Variants in UBA2 observed in about 807,000 individuals in gnomAD.
UBA2 encodes the protein ubiquitin like modifier activating enzyme 2.
In UBA2, 11 loss-of-function variants were observed where a neutral mutation model predicts 77.2. That is an observed-to-expected ratio of 0.14 (90% CI 0.09 to 0.24). The LOEUF is 0.24. Among genes scored for constraint, UBA2 ranks in the 10% least tolerant of loss-of-function variants. The pLI, the probability that UBA2 is intolerant of heterozygous loss-of-function variation, is 1.00. For synonymous variants in UBA2, 278 were observed against 276.7 expected (o/e 1.00, Z -0.05); for missense variants, 487 against 781.7 (o/e 0.62, Z 4.50).
At chr19:34,429,222 C>G (rs1238799990) in intron 1 of UBA2, 1 of 985,264 alleles carries the variant, frequency 1.0e-6, no homozygotes, top group Admixed American at 6.2e-5. Context: ...TCACAGTAGA[C>G]GGTACACTCG....
chr19:34,433,237 A>C, intron 3 of UBA2, 111 bp from the exon 4 acceptor site: 1 of 728,362 alleles, frequency 1.4e-6, no homozygotes, highest in South Asian at 1.6e-5. Context: ...TATAATCCTG[A>C]TATCAGTTTT....
At position 34,428,432 on chromosome 19, in the gene UBA2, C is replaced by T. The variant is rs748840513; in HGVS notation, c.-1C>T. 110 of 1,266,170 alleles carry T rather than the reference C, an allele frequency of 8.7e-5. No individual in the cohort carries two copies. The highest frequency in any genetic ancestry group is 1.2e-4 in the African/African-American group (8 of 65,716). The allele number at this position is 1,266,170 out of a possible 1,614,324, so 78.4% of individuals were successfully genotyped here. On this transcript the variant is annotated 5_prime_UTR_variant, in exon 1 of 17. Transcript: ENST00000246548. Reference sequence around the variant, plus strand: ...CCGCCGCGGCTCGTGGTTGTCCCGCCATGGCACTGTCGCGGGGGCTGCCCC... The same window carrying T: ...CCGCCGCGGCTCGTGGTTGTCCCGCTATGGCACTGTCGCGGGGGCTGCCCC...
At position 34,433,426 on chromosome 19, in the gene UBA2, A is replaced by C; in HGVS notation, c.358+14A>C. ...TAGATAACAGAGGTGAGGTTATTTT[A>C]ATACTTTTAATTTCTCAGTATTTCC... On this transcript the variant is annotated intron_variant, in intron 4 of 16. Transcript: ENST00000246548. 6.6e-7 allele frequency: 1 copy of C among 1,523,074 alleles called. No individual in the cohort carries two copies. The highest frequency in any genetic ancestry group is 9.1e-7 in the Non-Finnish European group (1 of 1,102,750). The allele number at this position is 1,523,074 out of a possible 1,614,324, so 94.3% of individuals were successfully genotyped here. A position where few individuals can be genotyped will look rare whatever the true frequency, so the allele number is the denominator to read the frequency against.
intron 12 of UBA2, among the ~76,000 whole-genome samples, chr19:34,455,910 G>A (rs949620292): frequency 1.3e-5 from 2 of 151,818 alleles, no homozygotes; most frequent in East Asian, 3.9e-4. Flanking sequence ...AAAGTGCTGG[G>A]ATTACAGGCA....
Position 34,451,660 on chromosome 19 carries a change from G to T in UBA2, c.872-321G>T, listed in dbSNP as rs1173239041. ...CCTCCCGGGTTCGCGCCATTCTCCT[G>T]CCTCAGCCTCCTGAGTAGCTGGGAC... is the stretch of plus-strand genomic sequence containing the variant. On this transcript the variant is annotated intron_variant, in intron 9 of 16. Transcript: ENST00000246548. Among the ~76,000 whole-genome samples the T allele has an allele frequency of 2.1e-5, 3 of 141,756 alleles. No homozygotes were observed. The Admixed American group carries it at 2.4e-4, about 11-fold the overall frequency. 93.0% of individuals were successfully genotyped at this position (141,756 alleles called of 152,430 possible). A position where few individuals can be genotyped will look rare whatever the true frequency, so the allele number is the denominator to read the frequency against.
chr19:34,451,489 A>G (rs570785397), intron 9 of UBA2, among the ~76,000 whole-genome samples: 18 of 142,814 alleles, frequency 1.3e-4, no homozygotes, highest in African/African-American at 4.6e-4. Flanking sequence ...CAGTAATCCT[A>G]TGAGGTACTG....
intron 8 of UBA2, among the ~76,000 whole-genome samples, chr19:34,446,660 A>G (rs1157987408): frequency 6.7e-6 from 1 of 148,674 alleles, no homozygotes. Flanking sequence ...CCCAGGCTAG[A>G]GTGCAGTGGC....
rs2145576175 is a variant in UBA2 at position 34,469,094 on chromosome 19, A to C, written c.1796A>C (p.Asn599Thr). ...IVDSDEEDSSNNADVSEEERS... is the reference protein window; with the variant it reads ...IVDSDEEDSSTNADVSEEERS... ...GATTCAGATGAAGAAGATTCTTCAA[A>C]TAATGCCGACGTCAGTGAAGAAGAG... is the stretch of plus-strand genomic sequence containing the variant. Residue 599 changes from asparagine to threonine, a missense_variant, in exon 17 of 17, where the codon AAT becomes ACT. By Grantham distance (65) the Asn-to-Thr change is moderately conservative (BLOSUM62 0). Around this residue, in one of 9 missense-constraint regions of UBA2, gnomAD observed 40 missense variants for 36.6 expected, o/e 1.09. Coordinates refer to ENST00000246548, the MANE Select transcript of UBA2 (RefSeq NM_005499.3). The C allele has an allele frequency of 6.2e-7, 1 of 1,612,666 alleles. No homozygotes were observed. The highest frequency in any genetic ancestry group is 2.2e-5 in the East Asian group (1 of 44,854).
chr19:34,446,328 C>T (rs950937728), intron 8 of UBA2, among the ~76,000 whole-genome samples: 2 of 152,194 alleles, frequency 1.3e-5, no homozygotes, highest in South Asian at 4.1e-4. Context: ...GAGACTGTTC[C>T]ACATAACCGA....
Position 34,458,766 on chromosome 19 carries a change from A to C in UBA2, c.1246-3A>C, listed in dbSNP as rs1433274855. On this transcript the variant is annotated splice_polypyrimidine_tract_variant and splice_region_variant and intron_variant, in intron 12 of 16. Transcript: ENST00000246548. ...ATTTCTGCCTGTTATTTCTCCTCCA[A>C]AGATTTTTTTGAATAAACAACCAAA... 1.2e-6 allele frequency: 2 copies of C among 1,608,056 alleles called. No individual in the cohort carries two copies. Among genetic ancestry groups the C allele is most frequent in the Non-Finnish European group, 1.7e-6 (2 of 1,177,978 alleles).
At chr19:34,438,962 A>G (rs2075338933) in intron 6 of UBA2, among the ~76,000 whole-genome samples, 196 bp downstream of exon 6, 2 of 152,156 alleles carry the variant, frequency 1.3e-5, no homozygotes, top group South Asian at 4.1e-4. Context: ...TAATCCCGGC[A>G]CTTTGGGAAA....
At chr19:34,444,075 G>A (rs1269087981) in intron 7 of UBA2, among the ~76,000 whole-genome samples, 164 bp downstream of exon 7, 3 of 124,382 alleles carry the variant, frequency 2.4e-5, no homozygotes, top group African/African-American at 6.8e-5. Context: ...TTTTGTCTCA[G>A]AGGTGGAGTT....
intron 3 of UBA2, 50 bp from the exon 4 acceptor site, chr19:34,433,297 TC>T: frequency 7.8e-7 from 1 of 1,279,958 alleles, no homozygotes; most frequent in African/African-American, 1.5e-5. Context: ...ACTGCAAAGA[TC>T]ATGTGGAAGG....
chr19:34,436,247 T>C (rs1160229670), intron 5 of UBA2, among the ~76,000 whole-genome samples: 1 of 152,146 alleles, frequency 6.6e-6, no homozygotes, highest in Non-Finnish European at 1.5e-5. Flanking sequence ...TAGAGAATAA[T>C]AGAACAAAAT....
At chr19:34,441,512 A>G (rs1244070611) in intron 6 of UBA2, among the ~76,000 whole-genome samples, 2 of 152,260 alleles carry the variant, frequency 1.3e-5, no homozygotes, top group East Asian at 3.9e-4. Flanking sequence ...TTCTTACTAA[A>G]ATGAGAATGT....
At chr19:34,435,114 G>A (rs2075294672) in intron 5 of UBA2, 146 bp downstream of exon 5, 8 of 605,908 alleles carry the variant, frequency 1.3e-5, no homozygotes, top group Middle Eastern at 9.8e-4. Flanking sequence ...CTTAAAATGC[G>A]GGGCCAGGTG....
intron 14 of UBA2, among the ~76,000 whole-genome samples, chr19:34,463,399 C>A (rs1212886138): frequency 6.6e-6 from 1 of 152,194 alleles, no homozygotes; most frequent in East Asian, 1.9e-4. Context: ...GTGGCTTAAA[C>A]AACAGAAATT....
Position 34,445,094 on chromosome 19 carries a change from A to C in UBA2, c.744A>C (p.Gly248=), listed in dbSNP as rs368660163. 9.3e-5 allele frequency: 150 copies of C among 1,612,512 alleles called. No homozygotes were observed. In the Middle Eastern group the frequency reaches 2.6e-3, roughly 28 times the overall value. The change falls in exon 8 of 17, where the codon GGA becomes GGC. Residue 248 remains glycine, a synonymous_variant. Transcript: ENST00000246548. ...ISTKEWAKST[G]YDPVKLFTKL... is the part of the protein sequence containing the mutation. Reference sequence around the variant, plus strand: ...CTAAGGAATGGGCTAAATCAACTGGATATGATCCAGTTAAACTTTTTACCA... The same window carrying C: ...CTAAGGAATGGGCTAAATCAACTGGCTATGATCCAGTTAAACTTTTTACCA...
chr19:34,458,322 G>A (rs1421130473), intron 12 of UBA2, among the ~76,000 whole-genome samples: 4 of 152,020 alleles, frequency 2.6e-5, no homozygotes, highest in Non-Finnish European at 5.9e-5. Flanking sequence ...TTGGGAGGCC[G>A]AGGCGGGCGG....
Sources: gnomAD v4.1 joint callset for allele counts (sites outside exome capture counted in the v4.1 genomes callset) on GRCh38, gnomAD v4.1.1 for gene constraint, gnomAD v4.1.1 regional missense constraint, MANE v1.5 for transcripts, NCBI Gene and HGNC (gene_info 2026-07-23, HGNC 2026-07-21) for gene names.